Variants in TPP2 observed in about 807,000 individuals in gnomAD.
TPP2 encodes the protein tripeptidyl peptidase 2.
In TPP2, 34 loss-of-function variants were observed where a neutral mutation model predicts 155.9. The ratio of observed to expected loss-of-function variants is 0.22; its 90% CI spans 0.17 to 0.29. TPP2 has a LOEUF of 0.29. Ranked by LOEUF, TPP2 falls within the 10% of genes least tolerant of loss-of-function variation. TPP2 has a pLI of 1.00. For missense variants in TPP2, 1,028 were observed against 1,522.3 expected, an observed-to-expected ratio of 0.68 and a Z score of 5.40; for synonymous variants, 510 against 529.4, an observed-to-expected ratio of 0.96 and a Z score of 0.50.
At chr13:102,667,170 T>C (rs1884663525) in intron 27 of TPP2, among the ~76,000 whole-genome samples, 1 of 150,972 alleles carries the variant, frequency 6.6e-6, no homozygotes, top group Non-Finnish European at 1.5e-5. Flanking sequence ...TTCTCTTAAA[T>C]CAGTAACATC....
intron 25 of TPP2, among the ~76,000 whole-genome samples, chr13:102,661,250 CTT>C (rs35157211): frequency 1.8e-4 from 22 of 124,076 alleles, no homozygotes; most frequent in Admixed American, 1.7e-4. Context: ...GAACGCTAAC[CTT>C]TTTTTTTTTT....
At chr13:102,664,203 T>C (rs1350409873) in intron 26 of TPP2, among the ~76,000 whole-genome samples, 4 of 152,338 alleles carry the variant, frequency 2.6e-5, no homozygotes, top group African/African-American at 7.2e-5. Context: ...TCCTAATCAG[T>C]TGAAAATCAT....
At chr13:102,633,813 A>T in intron 10 of TPP2, 137 bp from the exon 11 acceptor site, 1 of 1,241,304 alleles carries the variant, frequency 8.1e-7, no homozygotes, top group East Asian at 2.4e-5. Flanking sequence ...TCATAGTAGT[A>T]TCTGTGTCAC....
intron 25 of TPP2, among the ~76,000 whole-genome samples, chr13:102,657,441 C>A (rs1482740023): frequency 6.6e-6 from 1 of 151,504 alleles, no homozygotes; most frequent in Non-Finnish European, 1.5e-5. Flanking sequence ...CTAATTTGTT[C>A]TTGGAAGATA....
intron 27 of TPP2, among the ~76,000 whole-genome samples, chr13:102,667,528 T>G (rs1884688201): frequency 6.6e-6 from 1 of 152,200 alleles, no homozygotes; most frequent in East Asian, 1.9e-4. Flanking sequence ...ATATTTCAAA[T>G]TGTAAAAGCC....
intron 1 of TPP2, among the ~76,000 whole-genome samples, chr13:102,598,973 C>T (rs1429292134): frequency 1.3e-5 from 2 of 152,072 alleles, no homozygotes; most frequent in Non-Finnish European, 2.9e-5. Flanking sequence ...ATTTTAGATT[C>T]AGAAGGTAGA....
chr13:102,668,957 C>G (rs773013812), intron 27 of TPP2, among the ~76,000 whole-genome samples: 1 of 152,128 alleles, frequency 6.6e-6, no homozygotes, highest in African/African-American at 2.4e-5. Flanking sequence ...ATTTCTGGTA[C>G]CGGGTTGGGT....
At chr13:102,638,523 T>C (rs1882539923) in intron 15 of TPP2, among the ~76,000 whole-genome samples, 1 of 152,218 alleles carries the variant, frequency 6.6e-6, no homozygotes, top group Non-Finnish European at 1.5e-5. Flanking sequence ...GCACCTGGCA[T>C]CTGCCCTACC....
chr13:102,618,911 T>G, intron 5 of TPP2, 65 bp downstream of exon 5: 1 of 1,547,894 alleles, frequency 6.5e-7, no homozygotes, highest in African/African-American at 1.4e-5. Context: ...TGAAAAACAT[T>G]AAATGCTCAG....
In TPP2 at chr13:102,679,179, G is replaced by C. The variant is rs889457062; in HGVS notation, c.*863G>C. ...TGAATATTGAAGCTTCTTAAAGTTGGTCTTAATTTTTCATAAATAAAATTT... is the reference window on the plus strand; with the variant it reads ...TGAATATTGAAGCTTCTTAAAGTTGCTCTTAATTTTTCATAAATAAAATTT... On this transcript the variant is annotated 3_prime_UTR_variant, in exon 30 of 30. Transcript: ENST00000376052. 1 of 152,128 alleles carries C rather than the reference G, an allele frequency of 6.6e-6. No homozygotes were observed. The highest frequency in any genetic ancestry group is 1.5e-5 in the Non-Finnish European group (1 of 67,944). The allele number at this position is 152,128 out of a possible 1,614,324, so 9.4% of individuals were successfully genotyped here. A position where few individuals can be genotyped will look rare whatever the true frequency, so the allele number is the denominator to read the frequency against.
intron 9 of TPP2, 63 bp downstream of exon 9, chr13:102,629,672 T>C: frequency 6.6e-7 from 1 of 1,521,902 alleles, no homozygotes; most frequent in African/African-American, 1.4e-5. Flanking sequence ...CAATAGTTAA[T>C]GAAATGTTAC....
intron 9 of TPP2, 149 bp from the exon 10 acceptor site, chr13:102,629,947 T>C (rs1881905509): frequency 6.0e-6 from 4 of 668,858 alleles, no homozygotes; most frequent in Admixed American, 3.3e-5. Context: ...TAGTAGACTT[T>C]CCTTGTTTCC....
intron 28 of TPP2, among the ~76,000 whole-genome samples, chr13:102,675,022 C>G (rs974902943): frequency 6.6e-6 from 1 of 152,142 alleles, no homozygotes; most frequent in Non-Finnish European, 1.5e-5. Flanking sequence ...TTTTAAATCT[C>G]TTTTAGCTCT....
intron 3 of TPP2, among the ~76,000 whole-genome samples, chr13:102,614,405 A>G (rs1371528497): frequency 6.6e-6 from 1 of 152,192 alleles, no homozygotes; most frequent in Non-Finnish European, 1.5e-5. Flanking sequence ...TCTTGGGTAC[A>G]TGGATAAGTT....
chr13:102,612,536 A>G, intron 2 of TPP2, among the ~76,000 whole-genome samples: 1 of 152,248 alleles, frequency 6.6e-6, no homozygotes, highest in Non-Finnish European at 1.5e-5. Flanking sequence ...TTGTTTATGT[A>G]GAATACTCAA....
chr13:102,649,630 AC>A (rs1311915368), intron 23 of TPP2, 144 bp downstream of exon 23: 1 of 645,118 alleles, frequency 1.6e-6, no homozygotes, highest in Non-Finnish European at 2.5e-6. Context: ...TTCCCAGGTT[AC>A]TAGTGAAAGT....
rs655123 is a variant in TPP2, at chr13:102,679,635, T to A, written c.*1319T>A. The A allele has an allele frequency of 6.6e-6, 1 of 151,730 alleles. No individual in the cohort carries two copies. Among genetic ancestry groups the A allele is most frequent in the African/African-American group, 2.4e-5 (1 of 41,262 alleles). The allele number at this position is 151,730 out of a possible 1,614,324, so 9.4% of individuals were successfully genotyped here. On this transcript the variant is annotated 3_prime_UTR_variant, in exon 30 of 30. Coordinates refer to ENST00000376052, the MANE Select transcript of TPP2 (RefSeq NM_001330588.2). ...AGCATATTGGTCACACCTTCTGGGC[T>A]AGCTAGGGTCCAAAGTCTATCCATG... is the stretch of plus-strand genomic sequence containing the variant.
chr13:102,618,639 A>G, intron 4 of TPP2, 83 bp from the exon 5 acceptor site: 1 of 1,500,398 alleles, frequency 6.7e-7, no homozygotes, highest in Non-Finnish European at 8.9e-7. Flanking sequence ...ACTATGGATT[A>G]ACATTGTATC....
intron 1 of TPP2, among the ~76,000 whole-genome samples, chr13:102,601,815 G>C (rs1879451005): frequency 6.6e-6 from 1 of 152,090 alleles, no homozygotes; most frequent in Admixed American, 6.5e-5. Context: ...TTTATGTCTA[G>C]TGAAGTGGTT....
Sources: gnomAD v4.1 joint callset for allele counts (sites outside exome capture counted in the v4.1 genomes callset) on GRCh38, gnomAD v4.1.1 for gene constraint, MANE v1.5 for transcripts, NCBI Gene and HGNC (gene_info 2026-07-23, HGNC 2026-07-21) for gene names.